DENND2A: variants seen among roughly 807,000 people sequenced by gnomAD.
DENND2A encodes DENN domain-containing protein 2A.
DENND2A carries 53 observed loss-of-function variants against 105.3 expected under a neutral mutation model. The observed-to-expected ratio is 0.50, with a 90% confidence interval of 0.40 to 0.63. DENND2A has a LOEUF of 0.63. Ranked by LOEUF, DENND2A falls within the 30% of genes least tolerant of loss-of-function variation. DENND2A has a pLI of 0.00. For missense variants in DENND2A, 1,138 were observed against 1,279.6 expected (o/e 0.89, Z 1.69); for synonymous variants, 522 against 508.4 (o/e 1.03, Z -0.36).
chr7:140,548,166 C>T (rs1438283009), intron 12 of DENND2A, among the ~76,000 whole-genome samples: 1 of 151,996 alleles, frequency 6.6e-6, no homozygotes, highest in East Asian at 1.9e-4. Context: ...GCTCAAGTGT[C>T]CTCCTATGTC....
chr7:140,618,636 C>A (rs1323862816), intron 1 of DENND2A, among the ~76,000 whole-genome samples: 5 of 152,188 alleles, frequency 3.3e-5, no homozygotes, highest in Non-Finnish European at 7.3e-5. Flanking sequence ...TAGACTCTAG[C>A]TCATCATTAC....
In DENND2A at chr7:140,559,420, C is replaced by T. The variant is rs184840762; in HGVS notation, c.1889+288G>A. Among the ~76,000 whole-genome samples, 16 of 152,270 alleles carry T rather than the reference C, an allele frequency of 1.1e-4. No individual in the cohort carries two copies. In the East Asian group the frequency reaches 1.5e-3, roughly 15 times the overall value. On this transcript the variant is annotated intron_variant, in intron 10 of 19. Coordinates refer to ENST00000496613, the MANE Select transcript of DENND2A (RefSeq NM_015689.5). The surrounding 1 kb of genome is among the most constrained non-coding windows in gnomAD (Gnocchi z 4.1). ...CTGAAGAGATGTTTCAGGATGAGAACGGGGAAGGGCAATGTTGCCCTAACT... is the reference window on the plus strand; with the variant it reads ...CTGAAGAGATGTTTCAGGATGAGAATGGGGAAGGGCAATGTTGCCCTAACT...
chr7:140,586,876 G>T (rs916335973), intron 4 of DENND2A, among the ~76,000 whole-genome samples: 3 of 152,098 alleles, frequency 2.0e-5, no homozygotes, highest in African/African-American at 4.8e-5. Context: ...CACCCTACCT[G>T]CCCCTCACCA....
intron 1 of DENND2A, among the ~76,000 whole-genome samples, chr7:140,633,638 T>C (rs2130741546): frequency 6.6e-6 from 1 of 152,202 alleles, no homozygotes; most frequent in East Asian, 1.9e-4. Context: ...CTTTGCTAGG[T>C]TGGCTCTTTT....
intron 3 of DENND2A, among the ~76,000 whole-genome samples, chr7:140,594,188 G>A (rs751457836): frequency 6.6e-6 from 1 of 152,102 alleles, no homozygotes; most frequent in Non-Finnish European, 1.5e-5. Flanking sequence ...GATTACAAGC[G>A]TGAGCCACCG....
chr7:140,591,207 G>A (rs910013313), intron 3 of DENND2A, among the ~76,000 whole-genome samples: 3 of 152,102 alleles, frequency 2.0e-5, no homozygotes, highest in African/African-American at 7.2e-5. Flanking sequence ...TGAGGTGGGA[G>A]GATCCCTTGA....
At chr7:140,597,820 C>T (rs571589020) in intron 3 of DENND2A, among the ~76,000 whole-genome samples, 71 of 152,220 alleles carry the variant, frequency 4.7e-4, no homozygotes, top group Middle Eastern at 6.8e-3. Context: ...AAGCACTGGG[C>T]AGGGGCAGGG....
At chr7:140,592,186 C>G (rs1799083061) in intron 3 of DENND2A, among the ~76,000 whole-genome samples, 1 of 149,142 alleles carries the variant, frequency 6.7e-6, no homozygotes, top group Non-Finnish European at 1.5e-5. Context: ...ATTACAGGCG[C>G]CTGCCACCAC....
chr7:140,588,179 G>C (rs1798865561), intron 3 of DENND2A, among the ~76,000 whole-genome samples: 1 of 152,120 alleles, frequency 6.6e-6, no homozygotes, highest in Non-Finnish European at 1.5e-5. Context: ...CAAAAGTGCT[G>C]GGATTATACA....
At chr7:140,596,231 G>T (rs1432862277) in intron 3 of DENND2A, among the ~76,000 whole-genome samples, 1 of 152,192 alleles carries the variant, frequency 6.6e-6, no homozygotes, top group Non-Finnish European at 1.5e-5. Flanking sequence ...GGAAGAGCAA[G>T]CACCGTCTCT....
At chr7:140,584,255 A>G (rs1219443198) in intron 5 of DENND2A, among the ~76,000 whole-genome samples, 1 of 152,254 alleles carries the variant, frequency 6.6e-6, no homozygotes, top group Admixed American at 6.5e-5. Flanking sequence ...AAACAAAAAC[A>G]AAAAACAACA....
intron 1 of DENND2A, among the ~76,000 whole-genome samples, chr7:140,630,620 G>A (rs753714058): frequency 1.4e-4 from 21 of 152,090 alleles, no homozygotes; most frequent in Non-Finnish European, 2.9e-4. Flanking sequence ...CAAGGCGGGC[G>A]GATCATTTGA....
At chr7:140,518,804 T>C (rs1795750294) in intron 19 of DENND2A, 66 bp from the exon 20 acceptor site, 4 of 1,557,974 alleles carry the variant, frequency 2.6e-6, no homozygotes, top group Admixed American at 1.7e-5. Flanking sequence ...AATCTTGCCC[T>C]TTCCACCCAG....
At chr7:140,592,438 C>G (rs761581381) in intron 3 of DENND2A, among the ~76,000 whole-genome samples, 11 of 151,824 alleles carry the variant, frequency 7.2e-5, no homozygotes, top group Non-Finnish European at 1.5e-4. Context: ...GTTTTGATCT[C>G]CTGACGTTGT....
chr7:140,544,882 G>A (rs1430690900), intron 13 of DENND2A, 116 bp from the exon 14 acceptor site: 7 of 1,475,092 alleles, frequency 4.7e-6, no homozygotes, highest in African/African-American at 1.4e-5. Context: ...CACTGGTGGG[G>A]GAAAAGGGAA....
At chr7:140,569,791 C>T in intron 6 of DENND2A, 53 bp from the exon 7 acceptor site, 1 of 1,309,748 alleles carries the variant, frequency 7.6e-7, no homozygotes, top group Non-Finnish European at 1.1e-6. Flanking sequence ...CTCTCTGTGG[C>T]AGCTGGGCTT....
rs368781332 is a variant in DENND2A at position 140,540,712 on chromosome 7, G to T, written c.2327+3906C>A. Among the ~76,000 whole-genome samples, 9 of 151,370 alleles carry T rather than the reference G, an allele frequency of 5.9e-5. No homozygotes were observed. In the South Asian group the frequency reaches 1.9e-3, roughly 31 times the overall value. On this transcript the variant is annotated intron_variant, in intron 14 of 19. Transcript: ENST00000496613. ...ACGTCACTGGGGCAGGCATTTCCAG[G>T]TTTCTTTCTTTCTTTTTTTTTTTTA...
chr7:140,618,113 T>C (rs1446912206), intron 1 of DENND2A, among the ~76,000 whole-genome samples: 1 of 152,178 alleles, frequency 6.6e-6, no homozygotes, highest in African/African-American at 2.4e-5. Flanking sequence ...GCGTCAGTCC[T>C]CCAGAGTTAA....
intron 5 of DENND2A, 109 bp from the exon 6 acceptor site, chr7:140,574,117 CT>C: frequency 7.9e-7 from 1 of 1,268,272 alleles, no homozygotes; most frequent in Non-Finnish European, 1.1e-6. Context: ...AGGAACTGGT[CT>C]ATGTTCCCAG....
Sources: gnomAD v4.1 joint callset for allele counts (sites outside exome capture counted in the v4.1 genomes callset) on GRCh38, gnomAD v4.1.1 for gene constraint, Gnocchi (gnomAD v3.1) non-coding constraint, MANE v1.5 for transcripts, NCBI Gene and HGNC (gene_info 2026-07-23, HGNC 2026-07-21) for gene names.